The following AMPD3 variants were observed in gnomAD, a reference collection of about 807,000 sequenced individuals.
The protein encoded by AMPD3 is adenosine monophosphate deaminase 3, also known as AMP deaminase 3.
A neutral mutation model predicts 82.3 loss-of-function variants in AMPD3; 57 were observed. That is an observed-to-expected ratio of 0.69 (90% CI 0.56 to 0.86). AMPD3 has a LOEUF of 0.86. AMPD3 is among the 40% of genes least tolerant of loss of function. The pLI, the probability that AMPD3 is intolerant of heterozygous loss-of-function variation, is 0.00. For missense variants in AMPD3, 870 were observed against 1,003.8 expected, an observed-to-expected ratio of 0.87 and a Z score of 1.80; for synonymous variants, 381 against 394.7, an observed-to-expected ratio of 0.97 and a Z score of 0.41.
intron 3 of AMPD3, among the ~76,000 whole-genome samples, chr11:10,481,028 A>G (rs1345717583): frequency 1.3e-5 from 2 of 152,210 alleles, no homozygotes; most frequent in Non-Finnish European, 2.9e-5. Flanking sequence ...AAAGCAGAAC[A>G]TCCTTAGACT....
chr11:10,501,650 A>G, intron 12 of AMPD3, 60 bp downstream of exon 12: 1 of 1,613,418 alleles, frequency 6.2e-7, no homozygotes, highest in Non-Finnish European at 8.5e-7. Flanking sequence ...GGCTCCTGGG[A>G]GGCTCAACCA....
intron 6 of AMPD3, among the ~76,000 whole-genome samples, chr11:10,492,201 A>G (rs1009024143): frequency 1.3e-5 from 2 of 152,208 alleles, no homozygotes; most frequent in Non-Finnish European, 2.9e-5. Context: ...TGCCTTCTGC[A>G]AAAAACTGCC....
At chr11:10,451,253 C>T (rs188044359), upstream of AMPD3, among the ~76,000 whole-genome samples, 1 of 152,364 alleles carries the variant, frequency 6.6e-6, no homozygotes, top group Admixed American at 6.5e-5. Flanking sequence ...GCCCGAGCCC[C>T]AGCGGCCTCA....
Position 10,496,850 on chromosome 11 carries a change from G to A in AMPD3, c.1469G>A (p.Gly490Glu). The change falls in exon 10 of 15, where the codon GGG (glycine) becomes GAG (glutamate). Residue 490 changes from glycine (G) to glutamate (E), a missense_variant. Physicochemically the swap from Gly to Glu is moderately conservative, Grantham distance 98 (BLOSUM62 -2). Coordinates refer to ENST00000396553, the MANE Select transcript of AMPD3 (RefSeq NM_001025389.2). Reference protein sequence around the residue: ...FRSKKLLPNFGKMLENIFLPL... With the variant: ...FRSKKLLPNFEKMLENIFLPL... Reference sequence around the variant, plus strand: ...TCAAAGAAGCTGCTGCCAAACTTTGGGAAGATGCTGGAGAACATCTTCCTG... The same window carrying A: ...TCAAAGAAGCTGCTGCCAAACTTTGAGAAGATGCTGGAGAACATCTTCCTG... 1 of 1,614,074 alleles carries A rather than the reference G, an allele frequency of 6.2e-7. No individual in the cohort carries two copies. Among genetic ancestry groups the A allele is most frequent in the Non-Finnish European group, 8.5e-7 (1 of 1,180,008 alleles).
In AMPD3 at chr11:10,496,623, C is replaced by T. The variant is rs1358992605; in HGVS notation, c.1431-189C>T. Reference sequence around the variant, plus strand: ...ATGGGTAGGTGTGGAGCTTGCAAACCAAGGCAGAATATTGCAGACATTGCT... The same window carrying T: ...ATGGGTAGGTGTGGAGCTTGCAAACTAAGGCAGAATATTGCAGACATTGCT... On this transcript the variant is annotated intron_variant, in intron 9 of 14. Transcript: ENST00000396553. 3.5e-6 allele frequency: 5 copies of T among 1,442,790 alleles called. No homozygotes were observed. In the African/African-American group the frequency reaches 7.0e-5, roughly 20 times the overall value. The allele number at this position is 1,442,790 out of a possible 1,614,324, so 89.4% of individuals were successfully genotyped here.
intron 9 of AMPD3, chr11:10,496,178 A>G: frequency 1.0e-6 from 1 of 976,658 alleles, no homozygotes; most frequent in Non-Finnish European, 1.2e-6. Context: ...GCCTCCCAAA[A>G]TGCTGGGATT....
chr11:10,494,517 A>AC, intron 7 of AMPD3: 1 of 979,734 alleles, frequency 1.0e-6, no homozygotes, highest in Non-Finnish European at 1.2e-6. Context: ...AACAAAAAAA[A>AC]CTTTTGTTAA....
intron 2 of AMPD3, among the ~76,000 whole-genome samples, chr11:10,475,871 C>T (rs1265061606): frequency 2.0e-5 from 3 of 152,232 alleles, no homozygotes; most frequent in Admixed American, 6.5e-5. Context: ...GCCTTGTGGG[C>T]ACTAGACCTG....
At chr11:10,454,114 C>A (rs1207911865), upstream of AMPD3, among the ~76,000 whole-genome samples, 1 of 152,194 alleles carries the variant, frequency 6.6e-6, no homozygotes, top group African/African-American at 2.4e-5. Context: ...CTGCAAGAAG[C>A]AGCAACAAGT....
chr11:10,484,693 T>A, intron 4 of AMPD3, 127 bp from the exon 5 acceptor site: 1 of 1,271,486 alleles, frequency 7.9e-7, no homozygotes. Flanking sequence ...GAAGAGCATA[T>A]GAGATGCGGG....
intron 6 of AMPD3, chr11:10,488,093 G>A (rs1849129593): frequency 2.3e-6 from 1 of 429,924 alleles, no homozygotes; most frequent in African/African-American, 2.1e-5. Context: ...AAAAGCCTCT[G>A]ATATGCTCAG....
chr11:10,501,407 G>T, intron 11 of AMPD3, 63 bp from the exon 12 acceptor site: 2 of 1,597,440 alleles, frequency 1.3e-6, no homozygotes, highest in Non-Finnish European at 8.5e-7. Flanking sequence ...AGCTGTGGCT[G>T]CAGGCCCCAG....
At chr11:10,451,100 C>T, upstream of AMPD3, 1 of 1,545,812 alleles carries the variant, frequency 6.5e-7, no homozygotes, top group Non-Finnish European at 8.7e-7. Flanking sequence ...GACCCTGCGG[C>T]CCAGGCGGGA....
chr11:10,496,939 G>A lies in AMPD3; in HGVS notation c.1557+1G>A. On this transcript the variant is annotated splice_donor_variant, in intron 10 of 14. Transcript: ENST00000396553. LOFTEE classifies it high-confidence loss of function. ...AGAGCTTCACCTCTTCCTTAAATAT[G>A]TAAGTGTGGGTGGTGCCCTAGGCAG... 1 of 1,614,008 alleles carries A rather than the reference G, an allele frequency of 6.2e-7. No individual in the cohort carries two copies. Among genetic ancestry groups the A allele is most frequent in the Non-Finnish European group, 8.5e-7 (1 of 1,179,912 alleles).
At chr11:10,502,921 G>A (rs1399257986) in intron 13 of AMPD3, 27 bp downstream of exon 13, 1 of 1,611,388 alleles carries the variant, frequency 6.2e-7, no homozygotes. Flanking sequence ...GAGGACAGTA[G>A]TGCTTCAGTA....
At chr11:10,487,456 G>C in intron 6 of AMPD3, 92 bp downstream of exon 6, 1 of 1,577,432 alleles carries the variant, frequency 6.3e-7, no homozygotes, top group African/African-American at 1.3e-5. Context: ...TGTCCCCTGT[G>C]AGAACTTCAG....
At chr11:10,504,142 C>T (rs867817823) in intron 13 of AMPD3, 132 of 596,638 alleles carry the variant, frequency 2.2e-4, no homozygotes, top group East Asian at 2.7e-4. Context: ...ATCTATCTAT[C>T]TATCTATTTA....
intron 2 of AMPD3, chr11:10,476,872 GGGGCTCCCAGGGCTCA>G: frequency 1.0e-6 from 1 of 975,054 alleles, no homozygotes; most frequent in East Asian, 1.1e-4. Context: ...GCTGAGGCTG[GGGGCTCCCAGGGCTCA>G]GGTTGAGTTT....
chr11:10,455,072 G>A (rs1001317400), upstream of AMPD3: 1 of 833,766 alleles, frequency 1.2e-6, no homozygotes, highest in South Asian at 5.5e-5. Context: ...GATTGGACAT[G>A]CGGAGGTGAC....
Sources: gnomAD v4.1 joint callset for allele counts (sites outside exome capture counted in the v4.1 genomes callset) on GRCh38, gnomAD v4.1.1 for gene constraint, MANE v1.5 for transcripts, NCBI Gene and HGNC (gene_info 2026-07-23, HGNC 2026-07-21) for gene names.